The following PTPRN2 variants were observed in gnomAD, a reference collection of about 807,000 sequenced individuals.
The protein encoded by PTPRN2 is protein tyrosine phosphatase receptor type N2.
Under a neutral mutation model 118.8 loss-of-function variants are expected in PTPRN2, and 74 were observed. The observed-to-expected ratio is 0.62, with a 90% CI of 0.52 to 0.76. The LOEUF is 0.76. Ranked by LOEUF, PTPRN2 falls within the 30% of genes least tolerant of loss-of-function variation. The probability of loss-of-function intolerance (pLI) is 0.00; values close to 1 mark genes in which losing one functional copy is unlikely to be tolerated. For missense variants in PTPRN2, 1,481 were observed against 1,394.4 expected (o/e 1.06, Z -0.99); for synonymous variants, 641 against 608.0 (o/e 1.05, Z -0.80).
At position 157,539,352 on chromosome 7, in the gene PTPRN2, C is replaced by T. The variant is rs1448719681; in HGVS notation, c.*1362G>A. ...CCTCTGGTAGGGCCTTTGGAGAGTA[C>T]CATCTATCTAAGATGGAGGAATGCT... On this transcript the variant is annotated 3_prime_UTR_variant, in exon 23 of 23. Transcript: ENST00000389418. The T allele has an allele frequency of 5.3e-5, 8 of 151,822 alleles. No homozygotes were observed. The allele number at this position is 151,822 out of a possible 1,614,324, so 9.4% of individuals were successfully genotyped here.
At chr7:158,030,971 C>T (rs577359323) in intron 11 of PTPRN2, 1 of 152,350 alleles carries the variant, frequency 6.6e-6, no homozygotes, top group East Asian at 1.9e-4. Context: ...CTTCTCCTTT[C>T]TAAACTGTTG....
intron 6 of PTPRN2, among the ~76,000 whole-genome samples, chr7:158,151,792 C>T (rs1158986781): frequency 6.6e-6 from 1 of 152,202 alleles, no homozygotes; most frequent in African/African-American, 2.4e-5. Context: ...CACCAGCTAC[C>T]TTTGAAGGCG....
intron 12 of PTPRN2, among the ~76,000 whole-genome samples, chr7:157,798,534 G>C (rs988532410): frequency 6.6e-6 from 1 of 151,662 alleles, no homozygotes; most frequent in Admixed American, 6.6e-5. Flanking sequence ...CACACACATG[G>C]ACACACACGG....
intron 10 of PTPRN2, among the ~76,000 whole-genome samples, chr7:158,092,161 T>A (rs897567556): frequency 1.7e-4 from 25 of 150,466 alleles, no homozygotes; most frequent in South Asian, 1.3e-3. Context: ...GATGGGTGAA[T>A]GGGAGGGCAG....
At chr7:157,737,485 C>T (rs547877232) in intron 12 of PTPRN2, among the ~76,000 whole-genome samples, 2 of 152,356 alleles carry the variant, frequency 1.3e-5, no homozygotes, top group East Asian at 1.9e-4. Context: ...GGAAGCTAAG[C>T]GTTGTGCCCG....
chr7:158,395,937 T>C (rs1812453791), intron 2 of PTPRN2, among the ~76,000 whole-genome samples: 1 of 152,024 alleles, frequency 6.6e-6, no homozygotes, highest in South Asian at 2.1e-4. Context: ...GGCTACAGAC[T>C]TCCCTCTGCC....
At chr7:158,293,685 G>T (rs1014182536) in intron 3 of PTPRN2, among the ~76,000 whole-genome samples, 1 of 151,628 alleles carries the variant, frequency 6.6e-6, no homozygotes, top group Admixed American at 6.6e-5. Context: ...TATAAAAATA[G>T]TCTCTTTATA....
chr7:157,872,421 TCCCACACACACATACCCAGTGTCCTC>T (rs1563193764), intron 12 of PTPRN2, among the ~76,000 whole-genome samples: 3 of 19,074 alleles, frequency 1.6e-4, no homozygotes, highest in African/African-American at 5.2e-4. Flanking sequence ...CCAGTGTCTT[TCCCACACACACATACCCAGTGTCCTC>T]CCCACACACG....
At chr7:158,463,462 A>G (rs1819150005) in intron 2 of PTPRN2, among the ~76,000 whole-genome samples, 1 of 151,832 alleles carries the variant, frequency 6.6e-6, no homozygotes, top group African/African-American at 2.4e-5. Flanking sequence ...TGTCATTATC[A>G]TTACCACCAT....
chr7:158,573,925 G>A (rs1293738759), intron 1 of PTPRN2, among the ~76,000 whole-genome samples: 2 of 152,140 alleles, frequency 1.3e-5, no homozygotes, highest in Non-Finnish European at 2.9e-5. Flanking sequence ...TGGATTAGGT[G>A]ACCCATTTTA....
At chr7:158,159,213 G>C (rs187242837) in intron 6 of PTPRN2, among the ~76,000 whole-genome samples, 2 of 152,248 alleles carry the variant, frequency 1.3e-5, no homozygotes, top group East Asian at 1.9e-4. Context: ...CTTTCTGAAT[G>C]AATGAGTGAA....
intron 11 of PTPRN2, among the ~76,000 whole-genome samples, chr7:158,076,512 G>A (rs147341555): frequency 9.6e-4 from 147 of 152,366 alleles, no homozygotes; most frequent in African/African-American, 3.4e-3. Context: ...CCACCTCAGC[G>A]GAGCTGATTC....
chr7:158,137,514 A>G (rs1472417722), intron 7 of PTPRN2, among the ~76,000 whole-genome samples: 1 of 152,182 alleles, frequency 6.6e-6, no homozygotes, highest in Non-Finnish European at 1.5e-5. Context: ...CCCTGGAGAC[A>G]GCACGCACAC....
At chr7:158,329,803 C>T (rs1490370380) in intron 2 of PTPRN2, among the ~76,000 whole-genome samples, 2 of 152,104 alleles carry the variant, frequency 1.3e-5, no homozygotes, top group African/African-American at 2.4e-5. Flanking sequence ...CCACATGGTC[C>T]CACTTCACCG....
rs1309356338 is a variant in PTPRN2 at position 157,590,102 on chromosome 7, G to A, written c.2496+5136C>T. Among the ~76,000 whole-genome samples the A allele has an allele frequency of 6.6e-6, 1 of 152,202 alleles. No individual in the cohort carries two copies. Among genetic ancestry groups the A allele is most frequent in the Non-Finnish European group, 1.5e-5 (1 of 68,048 alleles). The stretch of plus-strand genomic sequence containing the variant: ...CCCAGAATGACCAGCAGAGAGGACG[G>A]TGGACATGTTTCTTCCTAAGATCTT... On this transcript the variant is annotated intron_variant, in intron 17 of 22. Coordinates refer to ENST00000389418, the MANE Select transcript of PTPRN2 (RefSeq NM_002847.5). The surrounding 1 kb of genome is among the most constrained non-coding windows in gnomAD (Gnocchi z 4.0).
rs1813603014 is a variant in PTPRN2, at chr7:158,407,242, GGTCCTGC to G, written c.163+82486_163+82492del. On this transcript the variant is annotated intron_variant, in intron 2 of 22. Transcript: ENST00000389418. ...CCTGCGTCCTGGGTCCTGGGTCCTG[GGTCCTGC>G]GTCCTGGGTCCTGGGTCCTGGGTCC... 3.0e-4 allele frequency among the ~76,000 whole-genome samples: 10 copies of G among 33,318 alleles called. 1 individual carries two copies. The highest frequency in any genetic ancestry group is 3.1e-4 in the Non-Finnish European group (5 of 16,230). The allele number at this position is 33,318 out of a possible 152,430, so 21.9% of individuals were successfully genotyped here.
intron 14 of PTPRN2, among the ~76,000 whole-genome samples, chr7:157,656,056 G>A (rs747602035): frequency 1.7e-5 from 1 of 59,350 alleles, no homozygotes; most frequent in African/African-American, 4.5e-5. Context: ...ACTAACAGAC[G>A]TGTATTCCAC....
intron 11 of PTPRN2, among the ~76,000 whole-genome samples, chr7:158,000,398 T>A (rs902908877): frequency 3.3e-5 from 5 of 151,998 alleles, no homozygotes; most frequent in African/African-American, 1.2e-4. Context: ...CAGAGGGTTC[T>A]CAGCTGGAAT....
At chr7:157,703,152 C>T (rs925253441) in intron 12 of PTPRN2, among the ~76,000 whole-genome samples, 4 of 152,250 alleles carry the variant, frequency 2.6e-5, no homozygotes, top group African/African-American at 9.6e-5. Flanking sequence ...TCTGAGACGG[C>T]CCAGGGCCTC....
Sources: gnomAD v4.1 joint callset for allele counts (sites outside exome capture counted in the v4.1 genomes callset) on GRCh38, gnomAD v4.1.1 for gene constraint, Gnocchi (gnomAD v3.1) non-coding constraint, MANE v1.5 for transcripts, NCBI Gene and HGNC (gene_info 2026-07-23, HGNC 2026-07-21) for gene names.